Variants in CCDC150 observed in about 807,000 individuals in gnomAD.
CCDC150 encodes coiled-coil domain containing 150, also known as coiled-coil domain-containing protein 150.
In CCDC150, 151 loss-of-function variants were observed where a neutral mutation model predicts 156.5. That is an observed-to-expected ratio of 0.97 (90% CI 0.85 to 1.10). The LOEUF (loss-of-function observed/expected upper bound fraction) is 1.10, where lower values mean the gene tolerates loss of function less well. CCDC150 is among the 50% of genes least tolerant of loss of function. The pLI is 0.00. For synonymous variants in CCDC150, 452 were observed against 429.4 expected, an observed-to-expected ratio of 1.05 and a Z score of -0.65; for missense variants, 1,312 against 1,268.1, an observed-to-expected ratio of 1.03 and a Z score of -0.53.
intron 13 of CCDC150, 126 bp from the exon 14 acceptor site, chr2:196,694,920 T>G: frequency 1.9e-6 from 1 of 520,306 alleles, no homozygotes; most frequent in Non-Finnish European, 3.4e-6. Flanking sequence ...TATTTCCACA[T>G]TTAGAGGCAA....
chr2:196,679,530 T>C (rs1393526678), intron 13 of CCDC150, among the ~76,000 whole-genome samples: 1 of 152,226 alleles, frequency 6.6e-6, no homozygotes, highest in African/African-American at 2.4e-5. Flanking sequence ...CTTTATCCAT[T>C]CACCAACTGA....
chr2:196,677,058 C>T (rs1249623441), intron 12 of CCDC150: 2 of 686,684 alleles, frequency 2.9e-6, no homozygotes, highest in Non-Finnish European at 5.4e-6. Flanking sequence ...GCCCTGTCTT[C>T]CTACTTAGGA....
intron 25 of CCDC150, 25 bp from the exon 26 acceptor site, chr2:196,730,834 A>G (rs1166429885): frequency 1.3e-6 from 2 of 1,540,940 alleles, no homozygotes; most frequent in Non-Finnish European, 1.8e-6. Context: ...GGAAGTTTAT[A>G]AAAATCTTTG....
intron 2 of CCDC150, among the ~76,000 whole-genome samples, chr2:196,654,287 C>T (rs1010135084): frequency 1.3e-5 from 2 of 152,064 alleles, no homozygotes; most frequent in Admixed American, 1.3e-4. Context: ...TATGTCCTTC[C>T]CCAGGCTTGG....
At chr2:196,731,251 A>G (rs548288096) in intron 26 of CCDC150, among the ~76,000 whole-genome samples, 6 of 152,188 alleles carry the variant, frequency 3.9e-5, no homozygotes, top group African/African-American at 4.8e-5. Context: ...ATTATTTGAC[A>G]TGACCCTACT....
At chr2:196,685,615 CTTTTTT>C (rs898846927) in intron 13 of CCDC150, among the ~76,000 whole-genome samples, 11 of 144,544 alleles carry the variant, frequency 7.6e-5, no homozygotes, top group Non-Finnish European at 1.5e-4. Flanking sequence ...TTTTTCTTTT[CTTTTTT>C]TTTTTTCTGA....
chr2:196,718,408 A>G (rs1169746832), intron 17 of CCDC150, 95 bp from the exon 18 acceptor site: 2 of 977,916 alleles, frequency 2.0e-6, no homozygotes, highest in South Asian at 2.0e-5. Flanking sequence ...GTGAATAAAT[A>G]TATTTAAACA....
At position 196,710,160 on chromosome 2, in the gene CCDC150, G is replaced by C. The variant is rs1696998676; in HGVS notation, c.1696-1985G>C. On this transcript the variant is annotated intron_variant, in intron 15 of 27. Transcript: ENST00000389175. Reference sequence around the variant, plus strand: ...AGGAGGTCTTGCTGAGCTGTGGTGGGCTCTGCCCAGTTCGAGCTTCCCTGA... The same window carrying C: ...AGGAGGTCTTGCTGAGCTGTGGTGGCCTCTGCCCAGTTCGAGCTTCCCTGA... Among the ~76,000 whole-genome samples, 4 of 152,218 alleles carry C rather than the reference G, an allele frequency of 2.6e-5. No individual in the cohort carries two copies. The South Asian group carries it at 8.3e-4, about 31-fold the overall frequency.
intron 1 of CCDC150, among the ~76,000 whole-genome samples, chr2:196,642,474 CTAACTT>C (rs1333628955): frequency 1.3e-5 from 2 of 152,226 alleles, no homozygotes; most frequent in Non-Finnish European, 2.9e-5. Context: ...GAATCTCTCT[CTAACTT>C]TAAGCCCCAA....
chr2:196,697,700 A>G (rs1473543063), intron 14 of CCDC150, among the ~76,000 whole-genome samples: 2 of 152,306 alleles, frequency 1.3e-5, no homozygotes, highest in East Asian at 3.9e-4. Context: ...AATAATAAAA[A>G]ACTTTAAAAA....
intron 15 of CCDC150, among the ~76,000 whole-genome samples, chr2:196,710,381 C>A (rs1697020426): frequency 6.7e-6 from 1 of 150,080 alleles, no homozygotes; most frequent in Non-Finnish European, 1.5e-5. Context: ...GCAGGAGTGT[C>A]CTGTTTTTCC....
At chr2:196,729,105 C>T in intron 22 of CCDC150, 88 bp from the exon 23 acceptor site, 5 of 1,178,018 alleles carry the variant, frequency 4.2e-6, no homozygotes, top group Non-Finnish European at 5.9e-6. Flanking sequence ...AAAGAAGATC[C>T]AAAGATGATA....
chr2:196,690,172 C>T (rs1033996878), intron 13 of CCDC150, among the ~76,000 whole-genome samples: 6 of 143,852 alleles, frequency 4.2e-5, no homozygotes, highest in Non-Finnish European at 9.0e-5. Flanking sequence ...GGGAATTGAA[C>T]AATGAGAACA....
chr2:196,718,301 T>C (rs1418938620), intron 17 of CCDC150: 3 of 328,196 alleles, frequency 9.1e-6, no homozygotes, highest in African/African-American at 6.4e-5. Flanking sequence ...TGGAGATTAA[T>C]GTATTGGATT....
At chr2:196,704,323 T>G (rs1008963177) in intron 15 of CCDC150, among the ~76,000 whole-genome samples, 1 of 152,194 alleles carries the variant, frequency 6.6e-6, no homozygotes, top group Admixed American at 6.5e-5. Flanking sequence ...CACAATGTAT[T>G]TATTCCTCTG....
chr2:196,644,081 A>T (rs1181153603), intron 1 of CCDC150, among the ~76,000 whole-genome samples: 1 of 152,096 alleles, frequency 6.6e-6, no homozygotes, highest in Non-Finnish European at 1.5e-5. Context: ...GTAGGAAAAG[A>T]CAGGTGCCAT....
At chr2:196,715,640 C>T (rs1435397176) in intron 17 of CCDC150, among the ~76,000 whole-genome samples, 3 of 152,076 alleles carry the variant, frequency 2.0e-5, no homozygotes, top group Non-Finnish European at 4.4e-5. Flanking sequence ...CAAACGGTGC[C>T]GGGATAATTG....
intron 21 of CCDC150, among the ~76,000 whole-genome samples, chr2:196,722,487 G>A (rs911210346): frequency 4.6e-5 from 7 of 151,824 alleles, no homozygotes; most frequent in African/African-American, 1.7e-4. Flanking sequence ...TGTTGCCCAG[G>A]GTGGTCTCAA....
chr2:196,710,334 C>T (rs1697016645), intron 15 of CCDC150, among the ~76,000 whole-genome samples: 1 of 152,256 alleles, frequency 6.6e-6, no homozygotes, highest in African/African-American at 2.4e-5. Flanking sequence ...TCCTGGTGTG[C>T]TGTTTGCTAA....
Sources: allele counts gnomAD v4.1 joint callset (sites outside exome capture counted in the v4.1 genomes callset), GRCh38; gene constraint gnomAD v4.1.1; transcripts MANE v1.5; gene names NCBI Gene and HGNC (gene_info 2026-07-23, HGNC 2026-07-21).